ZRANB3: variants seen among roughly 807,000 people sequenced by gnomAD.
The protein encoded by ZRANB3 is zinc finger RANBP2-type containing 3, also known as DNA annealing helicase and endonuclease ZRANB3.
ZRANB3 carries 125 observed loss-of-function variants against 133.8 expected under a neutral mutation model. That is an observed-to-expected ratio of 0.93 (90% confidence interval 0.81 to 1.08). The LOEUF is 1.08. ZRANB3 is among the 50% of genes least tolerant of loss of function. The pLI is 0.00. For synonymous variants in ZRANB3, 387 were observed against 432.7 expected (o/e 0.89, Z 1.31); for missense variants, 1,229 against 1,275.5 (o/e 0.96, Z 0.56).
intron 3 of ZRANB3, chr2:135,355,220 T>C: frequency 1.0e-6 from 1 of 985,302 alleles, no homozygotes; most frequent in East Asian, 1.1e-4. Flanking sequence ...CAAAGTTATA[T>C]TTACACATTC....
intron 2 of ZRANB3, among the ~76,000 whole-genome samples, chr2:135,400,866 T>C (rs1424869051): frequency 6.6e-6 from 1 of 152,222 alleles, no homozygotes; most frequent in Non-Finnish European, 1.5e-5. Flanking sequence ...TTGGTGGGCC[T>C]GGTTTGGCCT....
intron 17 of ZRANB3, among the ~76,000 whole-genome samples, chr2:135,212,767 C>T (rs1694152413): frequency 6.6e-6 from 1 of 152,090 alleles, no homozygotes; most frequent in African/African-American, 2.4e-5. Context: ...GCAATTTTTG[C>T]AAGAAAAGTG....
At chr2:135,485,542 G>A (rs1236010520) in intron 2 of ZRANB3, among the ~76,000 whole-genome samples, 1 of 152,166 alleles carries the variant, frequency 6.6e-6, no homozygotes, top group Non-Finnish European at 1.5e-5. Context: ...TACAGTGTCT[G>A]CTCCCCTAGA....
intron 6 of ZRANB3, among the ~76,000 whole-genome samples, chr2:135,319,861 T>C (rs1683435920): frequency 6.6e-6 from 1 of 152,178 alleles, no homozygotes; most frequent in Non-Finnish European, 1.5e-5. Context: ...TGGTGATAAC[T>C]CCATCACAAA....
chr2:135,295,448 T>C (rs975064021), intron 8 of ZRANB3, among the ~76,000 whole-genome samples: 5 of 152,106 alleles, frequency 3.3e-5, no homozygotes, highest in Admixed American at 1.3e-4. Flanking sequence ...TCCTCCATCC[T>C]TTTATTTTGA....
chr2:135,503,195 T>C (rs1398973590), intron 2 of ZRANB3, among the ~76,000 whole-genome samples: 2 of 152,142 alleles, frequency 1.3e-5, no homozygotes, highest in Non-Finnish European at 2.9e-5. Context: ...TGTAAACAAA[T>C]ACGAATTCTG....
intron 1 of ZRANB3, among the ~76,000 whole-genome samples, chr2:135,525,316 A>G (rs1396976599): frequency 6.6e-6 from 1 of 152,244 alleles, no homozygotes; most frequent in Non-Finnish European, 1.5e-5. Context: ...GATTGAATAG[A>G]GTAAAACATG....
At chr2:135,454,944 G>A (rs1690432258) in intron 2 of ZRANB3, among the ~76,000 whole-genome samples, 1 of 152,040 alleles carries the variant, frequency 6.6e-6, no homozygotes, top group Admixed American at 6.5e-5. Context: ...AATATTAGGA[G>A]AGCAAATTTT....
intron 20 of ZRANB3, among the ~76,000 whole-genome samples, chr2:135,201,843 T>C (rs1012235382): frequency 1.3e-5 from 2 of 152,162 alleles, no homozygotes; most frequent in Non-Finnish European, 2.9e-5. Flanking sequence ...CCACTGACCA[T>C]ACCCAGTGGC....
chr2:135,372,459 G>T (rs1268325719), intron 3 of ZRANB3, among the ~76,000 whole-genome samples: 1 of 152,126 alleles, frequency 6.6e-6, no homozygotes, highest in Non-Finnish European at 1.5e-5. Flanking sequence ...GATAACTGGA[G>T]GTGGGTGGTA....
intron 2 of ZRANB3, among the ~76,000 whole-genome samples, chr2:135,494,319 A>G (rs112008955): frequency 0.037 from 5,649 of 150,870 alleles, 393 homozygotes; most frequent in African/African-American, 0.13. Context: ...AAAAAAAAAA[A>G]AAAAGAAAAG....
chr2:135,293,072 A>G (rs1389681601), intron 8 of ZRANB3, among the ~76,000 whole-genome samples: 1 of 152,054 alleles, frequency 6.6e-6, no homozygotes, highest in Non-Finnish European at 1.5e-5. Context: ...TGACTTGGCA[A>G]TGTGGGTTCT....
chr2:135,262,513 G>A (rs1185835924), intron 12 of ZRANB3, among the ~76,000 whole-genome samples: 2 of 152,098 alleles, frequency 1.3e-5, no homozygotes, highest in Admixed American at 1.3e-4. Context: ...GAGTGGTGGC[G>A]GTTCATGCTT....
chr2:135,224,544 G>A, intron 14 of ZRANB3, 27 bp from the exon 15 acceptor site: 1 of 1,565,606 alleles, frequency 6.4e-7, no homozygotes, highest in South Asian at 1.1e-5. Context: ...AAGAGAACCT[G>A]AAGGCTTATC....
intron 2 of ZRANB3, among the ~76,000 whole-genome samples, chr2:135,441,279 C>A (rs748010497): frequency 9.2e-5 from 14 of 152,190 alleles, no homozygotes; most frequent in Middle Eastern, 3.4e-3. Flanking sequence ...CTACTAGGGG[C>A]TGACTTTTCA....
intron 2 of ZRANB3, among the ~76,000 whole-genome samples, chr2:135,480,964 A>G (rs1047146059): frequency 1.3e-5 from 2 of 149,698 alleles, no homozygotes; most frequent in African/African-American, 5.0e-5. Flanking sequence ...TTATGGCTGC[A>G]TAGTATTCCA....
chr2:135,368,296 CAAAAT>C (rs1686025196), intron 3 of ZRANB3, among the ~76,000 whole-genome samples: 1 of 151,674 alleles, frequency 6.6e-6, no homozygotes, highest in African/African-American at 2.4e-5. Context: ...GGTTAAGAGT[CAAAAT>C]AAATGTTATT....
chr2:135,427,716 G>C (rs1203763701), intron 2 of ZRANB3, among the ~76,000 whole-genome samples: 1 of 151,832 alleles, frequency 6.6e-6, no homozygotes, highest in East Asian at 1.9e-4. Flanking sequence ...AATTCATATG[G>C]AACCAAAAAA....
At chr2:135,263,780 A>AT (rs869251850) in intron 12 of ZRANB3, among the ~76,000 whole-genome samples, 106 of 144,168 alleles carry the variant, frequency 7.4e-4, no homozygotes, top group Admixed American at 7.6e-4. Flanking sequence ...GTTCATAGTA[A>AT]TTTTTTTTTT....
Sources: allele counts gnomAD v4.1 joint callset (sites outside exome capture counted in the v4.1 genomes callset), GRCh38; gene constraint gnomAD v4.1.1; transcripts MANE v1.5; gene names NCBI Gene and HGNC (gene_info 2026-07-23, HGNC 2026-07-21).